The following FTMT variants were observed in gnomAD, a reference collection of about 807,000 sequenced individuals.
The protein encoded by FTMT is ferritin, mitochondrial.
FTMT carries 5 observed loss-of-function variants against 4.9 expected under a neutral mutation model. The ratio of observed to expected loss-of-function variants is 1.03; its 90% CI spans 0.54 to 2.16. The LOEUF is 2.16. Among genes scored for constraint, FTMT ranks in the 30% most tolerant of loss-of-function variants. The pLI, the probability that FTMT is intolerant of heterozygous loss-of-function variation, is 0.01. For synonymous variants in FTMT, 174 were observed against 143.6 expected (o/e 1.21, Z -1.51); for missense variants, 393 against 323.0 (o/e 1.22, Z -1.66).
In FTMT at chr5:121,852,022, G is replaced by T. The variant is rs754484196; in HGVS notation, c.59G>T (p.Arg20Leu). The T allele has an allele frequency of 1.9e-6, 3 of 1,593,618 alleles. No homozygotes were observed. Among genetic ancestry groups the T allele is most frequent in the Non-Finnish European group, 1.7e-6 (2 of 1,175,808 alleles). Residue 20 changes from arginine to leucine, a missense_variant, in exon 1 of 1, where the codon CGC becomes CTC. Physicochemically the swap from Arg to Leu is moderately radical, Grantham distance 102. Transcript: ENST00000321339. ...RHISPSLASL[R>L]PVRCCFALPL... ...ATCAGCCCTTCGCTGGCGTCTCTGC[G>T]CCCGGTGCGCTGCTGCTTCGCGCTC...
Position 121,851,976 on chromosome 5 carries a change from T to C in FTMT, c.13T>C (p.Phe5Leu). MLSC[F>L]RLLSRHISPS... ...AGGAGGCGGCGCTATGCTGTCCTGC[T>C]TCAGGCTCCTCTCCAGGCACATCAG... The change falls in exon 1 of 1, where the codon TTC (phenylalanine) becomes CTC (leucine). Residue 5 changes from phenylalanine (F) to leucine (L), a missense_variant. Transcript: ENST00000321339. The C allele has an allele frequency of 6.3e-7, 1 of 1,589,548 alleles. No homozygotes were observed. Among genetic ancestry groups the C allele is most frequent in the Non-Finnish European group, 8.5e-7 (1 of 1,174,422 alleles).
Position 121,852,461 on chromosome 5 carries a change from G to T in FTMT, c.498G>T (p.Leu166Phe). ...ATGCCATGGAGTGTGCTCTACTCTT[G>T]GAAAAGAACGTGAACCAGTCGTTGC... ...GLHAMECALL[L>F]EKNVNQSLLE... The change falls in exon 1 of 1, where the codon TTG becomes TTT. Residue 166 changes from leucine (L) to phenylalanine (F), a missense_variant. Transcript: ENST00000321339. 1 of 1,614,022 alleles carries T rather than the reference G, an allele frequency of 6.2e-7. No homozygotes were observed. The highest frequency in any genetic ancestry group is 8.5e-7 in the Non-Finnish European group (1 of 1,180,016).
At position 121,852,313 on chromosome 5, in the gene FTMT, A is replaced by C; in HGVS notation, c.350A>C (p.His117Pro). ...AACAACTTCTCCAGGTATTTCCTTC[A>C]CCAGTCCCGGGAGGAGACCGAGCAC... ...ALNNFSRYFL[H>P]QSREETEHAE... Residue 117 changes from histidine (H) to proline (P), a missense_variant, in exon 1 of 1, where the codon CAC (histidine) becomes CCC (proline). His to Pro is a moderately conservative substitution (Grantham distance 77, BLOSUM62 -2). Transcript: ENST00000321339. 6.2e-7 allele frequency: 1 copy of C among 1,613,962 alleles called. No individual in the cohort carries two copies. The highest frequency in any genetic ancestry group is 8.5e-7 in the Non-Finnish European group (1 of 1,179,984).
chr5:121,852,504 G>A lies in FTMT; in HGVS notation c.541G>A (p.Ala181Thr). ...GTCGTTGCTGGAATTGCACGCTCTA[G>A]CCTCAGATAAAGGTGACCCCCATTT... Reference protein sequence around the residue: ...NQSLLELHALASDKGDPHLCD... With the variant: ...NQSLLELHALTSDKGDPHLCD... Residue 181 changes from alanine to threonine, a missense_variant, in exon 1 of 1, where the codon GCC (alanine) becomes ACC (threonine). Ala to Thr is a moderately conservative substitution (Grantham distance 58). Coordinates refer to ENST00000321339, the MANE Select transcript of FTMT (RefSeq NM_177478.2). 6.2e-7 allele frequency: 1 copy of A among 1,614,104 alleles called. No individual in the cohort carries two copies. Among genetic ancestry groups the A allele is most frequent in the Non-Finnish European group, 8.5e-7 (1 of 1,180,036 alleles).
At position 121,852,762 on chromosome 5, in the gene FTMT, C is replaced by T. The variant is rs1750079762; in HGVS notation, c.*70C>T. 1.1e-5 allele frequency: 16 copies of T among 1,485,470 alleles called. No individual in the cohort carries two copies. In the South Asian group the frequency reaches 2.1e-4, roughly 20 times the overall value. The allele number at this position is 1,485,470 out of a possible 1,614,324, so 92.0% of individuals were successfully genotyped here. A position where few individuals can be genotyped will look rare whatever the true frequency, so the allele number is the denominator to read the frequency against. On this transcript the variant is annotated 3_prime_UTR_variant, in exon 1 of 1. Transcript: ENST00000321339. The stretch of plus-strand genomic sequence containing the variant: ...AGTCAGCTGTCTCCTGCTTTCTTGC[C>T]CTTAAAATCACCTCCATCTTTATAT...
In FTMT at chr5:121,852,553, A is replaced by T. The variant is rs964859674; in HGVS notation, c.590A>T (p.Tyr197Phe). Residue 197 changes from tyrosine (Y) to phenylalanine (F), a missense_variant, in exon 1 of 1, where the codon TAC becomes TTC. Coordinates refer to ENST00000321339, the MANE Select transcript of FTMT (RefSeq NM_177478.2). ...TTGTGCGATTTCCTGGAAACCTACT[A>T]CCTGAATGAGCAGGTGAAGTCTATC... ...PHLCDFLETY[Y>F]LNEQVKSIKE... The T allele has an allele frequency of 5.6e-6, 9 of 1,614,008 alleles. No individual in the cohort carries two copies. The highest frequency in any genetic ancestry group is 1.6e-4 in the Middle Eastern group (1 of 6,084).
At position 121,852,621 on chromosome 5, in the gene FTMT, GC is replaced by G; in HGVS notation, c.662del (p.Pro221ArgfsTer32). ...CGTGCACAACTTAGTGAAGATGGGG[GC>G]CCCGGATGCTGGCCTGGCGGAGTAC... ...DHVHNLVKMGAPDAGLAEYLF... is the reference protein window; with the variant it reads ...DHVHNLVKMGXPDAGLAEYLF... On this transcript the variant is annotated frameshift_variant, in exon 1 of 1. Transcript: ENST00000321339. LOFTEE classifies it high-confidence loss of function. The G allele has an allele frequency of 6.2e-7, 1 of 1,614,058 alleles. No homozygotes were observed. The highest frequency in any genetic ancestry group is 1.3e-5 in the African/African-American group (1 of 74,994).
At position 121,852,701 on chromosome 5, in the gene FTMT, C is replaced by G. The variant is rs1004942002; in HGVS notation, c.*9C>G. 4.4e-6 allele frequency: 7 copies of G among 1,605,424 alleles called. No homozygotes were observed. Among genetic ancestry groups the G allele is most frequent in the Non-Finnish European group, 4.3e-6 (5 of 1,174,878 alleles). ...AAAACAAGCAGAACTAAGCCACGAG[C>G]TGCCTTCCTCCCAGGCTAGTGGATC... On this transcript the variant is annotated 3_prime_UTR_variant, in exon 1 of 1. Transcript: ENST00000321339.
At position 121,851,957 on chromosome 5, in the gene FTMT, C is replaced by T. The variant is rs376828272; in HGVS notation, c.-7C>T. Reference sequence around the variant, plus strand: ...CTCAGTTTCCCCACTTCCAAGGAGGCGGCGCTATGCTGTCCTGCTTCAGGC... The same window carrying T: ...CTCAGTTTCCCCACTTCCAAGGAGGTGGCGCTATGCTGTCCTGCTTCAGGC... On this transcript the variant is annotated 5_prime_UTR_variant, in exon 1 of 1. Coordinates refer to ENST00000321339, the MANE Select transcript of FTMT (RefSeq NM_177478.2). The T allele has an allele frequency of 1.3e-6, 2 of 1,573,342 alleles. No homozygotes were observed. The highest frequency in any genetic ancestry group is 1.8e-5 in the Admixed American group (1 of 55,912).
Position 121,852,516 on chromosome 5 carries a change from G to C in FTMT, c.553G>C (p.Gly185Arg), listed in dbSNP as rs547408071. Residue 185 changes from glycine (G) to arginine (R), a missense_variant, in exon 1 of 1, where the codon GGT (glycine) becomes CGT (arginine). Physicochemically the swap from Gly to Arg is moderately radical, Grantham distance 125. Coordinates refer to ENST00000321339, the MANE Select transcript of FTMT (RefSeq NM_177478.2). ...ATTGCACGCTCTAGCCTCAGATAAAGGTGACCCCCATTTGTGCGATTTCCT... is the reference window on the plus strand; with the variant it reads ...ATTGCACGCTCTAGCCTCAGATAAACGTGACCCCCATTTGTGCGATTTCCT... ...LELHALASDKGDPHLCDFLET... is the reference protein window; with the variant it reads ...LELHALASDKRDPHLCDFLET... 19 of 1,614,076 alleles carry C rather than the reference G, an allele frequency of 1.2e-5. No individual in the cohort carries two copies. The highest frequency in any genetic ancestry group is 1.5e-5 in the Non-Finnish European group (18 of 1,180,016).
rs1324105614 is a variant in FTMT at position 121,852,268 on chromosome 5, C to T, written c.305C>T (p.Ser102Phe). 1 of 1,614,200 alleles carries T rather than the reference C, an allele frequency of 6.2e-7. No individual in the cohort carries two copies. The highest frequency in any genetic ancestry group is 1.7e-5 in the Admixed American group (1 of 60,034). The part of the protein sequence containing the change: ...YVYLSMAYYF[S>F]RDDVALNNFS... Reference sequence around the variant, plus strand: ...TACTTGTCCATGGCCTATTACTTCTCCCGGGATGACGTGGCCTTGAACAAC... The same window carrying T: ...TACTTGTCCATGGCCTATTACTTCTTCCGGGATGACGTGGCCTTGAACAAC... The change falls in exon 1 of 1, where the codon TCC (serine) becomes TTC (phenylalanine). Residue 102 changes from serine (S) to phenylalanine (F), a missense_variant. Transcript: ENST00000321339.
At position 121,852,082 on chromosome 5, in the gene FTMT, C is replaced by A; in HGVS notation, c.119C>A (p.Pro40His). ...LRWAPGRPLDPRQIAPRRPLA... is the reference protein window; with the variant it reads ...LRWAPGRPLDHRQIAPRRPLA... ...TGGGCCCCGGGGCGCCCCTTGGACC[C>A]CAGGCAGATCGCCCCCCGCCGCCCC... is the stretch of plus-strand genomic sequence containing the variant. The change falls in exon 1 of 1, where the codon CCC (proline) becomes CAC (histidine). Residue 40 changes from proline to histidine, a missense_variant. Physicochemically the swap from Pro to His is moderately conservative, Grantham distance 77 (BLOSUM62 -2). Transcript: ENST00000321339. 2 of 1,585,434 alleles carry A rather than the reference C, an allele frequency of 1.3e-6. No individual in the cohort carries two copies. Among genetic ancestry groups the A allele is most frequent in the Non-Finnish European group, 1.7e-6 (2 of 1,170,506 alleles).
At position 121,852,106 on chromosome 5, in the gene FTMT, C is replaced by A. The variant is rs772121901; in HGVS notation, c.143C>A (p.Pro48His). The part of the protein sequence containing the change: ...LDPRQIAPRR[P>H]LAAAASSRDP... Reference sequence around the variant, plus strand: ...CCCAGGCAGATCGCCCCCCGCCGCCCCCTGGCCGCAGCCGCCTCCTCCCGG... The same window carrying A: ...CCCAGGCAGATCGCCCCCCGCCGCCACCTGGCCGCAGCCGCCTCCTCCCGG... Residue 48 changes from proline to histidine, a missense_variant, in exon 1 of 1, where the codon CCC becomes CAC. Pro to His is a moderately conservative substitution (Grantham distance 77). Coordinates refer to ENST00000321339, the MANE Select transcript of FTMT (RefSeq NM_177478.2). The A allele has an allele frequency of 1.3e-6, 2 of 1,580,830 alleles. No individual in the cohort carries two copies. Among genetic ancestry groups the A allele is most frequent in the African/African-American group, 1.4e-5 (1 of 73,846 alleles).
chr5:121,852,640 C>G lies in FTMT; in HGVS notation c.677C>G (p.Ala226Gly), dbSNP rs144610511. 61 of 1,613,860 alleles carry G rather than the reference C, an allele frequency of 3.8e-5. No homozygotes were observed. The highest frequency in any genetic ancestry group is 4.5e-5 in the East Asian group (2 of 44,850). The change falls in exon 1 of 1, where the codon GCG (alanine) becomes GGG (glycine). Residue 226 changes from alanine to glycine, a missense_variant. Coordinates refer to ENST00000321339, the MANE Select transcript of FTMT (RefSeq NM_177478.2). ...VKMGAPDAGL[A>G]EYLFDTHTLG... is the part of the protein sequence containing the mutation. Reference sequence around the variant, plus strand: ...ATGGGGGCCCCGGATGCTGGCCTGGCGGAGTACCTTTTTGACACACATACC... The same window carrying G: ...ATGGGGGCCCCGGATGCTGGCCTGGGGGAGTACCTTTTTGACACACATACC...
rs1750066490 is a variant in FTMT, at chr5:121,852,336, C to A, written c.373C>A (p.His125Asn). The A allele has an allele frequency of 1.2e-6, 2 of 1,614,156 alleles. No individual in the cohort carries two copies. Among genetic ancestry groups the A allele is most frequent in the East Asian group, 2.2e-5 (1 of 44,862 alleles). Residue 125 changes from histidine (H) to asparagine (N), a missense_variant, in exon 1 of 1, where the codon CAC becomes AAC. Transcript: ENST00000321339. ...TCACCAGTCCCGGGAGGAGACCGAGCACGCGGAGAAGCTGATGAGGCTGCA... is the reference window on the plus strand; with the variant it reads ...TCACCAGTCCCGGGAGGAGACCGAGAACGCGGAGAAGCTGATGAGGCTGCA... Reference protein sequence around the residue: ...FLHQSREETEHAEKLMRLQNQ... With the variant: ...FLHQSREETENAEKLMRLQNQ...
chr5:121,851,972 C>A lies in FTMT; in HGVS notation c.9C>A (p.Ser3=), dbSNP rs746348100. 5 of 1,588,378 alleles carry A rather than the reference C, an allele frequency of 3.1e-6. No homozygotes were observed. In the Admixed American group the frequency reaches 8.5e-5, roughly 27 times the overall value. The change falls in exon 1 of 1, where the codon TCC becomes TCA. Residue 3 remains serine (S), a synonymous_variant. Coordinates refer to ENST00000321339, the MANE Select transcript of FTMT (RefSeq NM_177478.2). ML[S]CFRLLSRHIS... is the part of the protein sequence containing the mutation. ...TCCAAGGAGGCGGCGCTATGCTGTC[C>A]TGCTTCAGGCTCCTCTCCAGGCACA...
chr5:121,852,388 T>C lies in FTMT; in HGVS notation c.425T>C (p.Leu142Pro), dbSNP rs1413728848. 1 of 1,614,094 alleles carries C rather than the reference T, an allele frequency of 6.2e-7. No homozygotes were observed. The highest frequency in any genetic ancestry group is 1.3e-5 in the African/African-American group (1 of 75,028). ...AACCAGCGAGGAGGCCGGATCCGCC[T>C]GCAGGACATCAAGAAGCCGGAACAG... ...LQNQRGGRIR[L>P]QDIKKPEQDD... The change falls in exon 1 of 1, where the codon CTG becomes CCG. Residue 142 changes from leucine to proline, a missense_variant. Physicochemically the swap from Leu to Pro is moderately conservative, Grantham distance 98. Transcript: ENST00000321339.
rs749034651 is a variant in FTMT, at chr5:121,852,646, A to G, written c.683A>G (p.Tyr228Cys). 1 of 1,614,018 alleles carries G rather than the reference A, an allele frequency of 6.2e-7. No individual in the cohort carries two copies. Reference sequence around the variant, plus strand: ...GCCCCGGATGCTGGCCTGGCGGAGTACCTTTTTGACACACATACCCTTGGA... The same window carrying G: ...GCCCCGGATGCTGGCCTGGCGGAGTGCCTTTTTGACACACATACCCTTGGA... ...MGAPDAGLAEYLFDTHTLGNE... is the reference protein window; with the variant it reads ...MGAPDAGLAECLFDTHTLGNE... The change falls in exon 1 of 1, where the codon TAC becomes TGC. Residue 228 changes from tyrosine to cysteine, a missense_variant. Transcript: ENST00000321339.
Position 121,852,796 on chromosome 5 carries a change from T to C in FTMT, c.*104T>C. Reference sequence around the variant, plus strand: ...CACCTCCATCTTTATATTCTTCTGTTATACTATTCCTCCAATAAAGTGATT... The same window carrying C: ...CACCTCCATCTTTATATTCTTCTGTCATACTATTCCTCCAATAAAGTGATT... On this transcript the variant is annotated 3_prime_UTR_variant, in exon 1 of 1. Transcript: ENST00000321339. 7.6e-7 allele frequency: 1 copy of C among 1,313,068 alleles called. No homozygotes were observed. The highest frequency in any genetic ancestry group is 1.4e-5 in the South Asian group (1 of 69,662). 81.3% of individuals were successfully genotyped at this position (1,313,068 alleles called of 1,614,324 possible). A position where few individuals can be genotyped will look rare whatever the true frequency, so the allele number is the denominator to read the frequency against.
Sources: allele counts gnomAD v4.1 joint callset, GRCh38; gene constraint gnomAD v4.1.1; transcripts MANE v1.5; gene names NCBI Gene and HGNC (gene_info 2026-07-23, HGNC 2026-07-21).